Variants in SLC7A10 observed in about 807,000 individuals in gnomAD.
SLC7A10 encodes the protein asc-type amino acid transporter 1.
Under a neutral mutation model 52.7 loss-of-function variants are expected in SLC7A10, and 30 were observed. The observed-to-expected ratio is 0.57, with a 90% CI of 0.43 to 0.77. The LOEUF (loss-of-function observed/expected upper bound fraction) is 0.77. SLC7A10 is among the 30% of genes least tolerant of loss of function. The pLI is 0.00. For missense variants in SLC7A10, 581 were observed against 698.5 expected, an observed-to-expected ratio of 0.83 and a Z score of 1.90; for synonymous variants, 318 against 314.9, an observed-to-expected ratio of 1.01 and a Z score of -0.10.
chr19:33,211,353 A>T, intron 6 of SLC7A10, 25 bp from the exon 7 acceptor site: 1 of 1,613,650 alleles, frequency 6.2e-7, no homozygotes, highest in Admixed American at 1.7e-5. Flanking sequence ...TAGAGAGGCC[A>T]TGTGTAAGGC....
chr19:33,209,496 G>C lies in SLC7A10; in HGVS notation c.1264-11C>G, dbSNP rs773008138. ...GATGAGAAGGTTCACCTGGGGAAGG[G>C]GGAGCAGAAACACCGATGGTGCAGG... On this transcript the variant is annotated splice_polypyrimidine_tract_variant and intron_variant, in intron 9 of 10. Transcript: ENST00000253188. The C allele has an allele frequency of 1.2e-6, 2 of 1,613,540 alleles. No homozygotes were observed.
chr19:33,216,634 C>G (rs77942095), intron 1 of SLC7A10, among the ~76,000 whole-genome samples: 1,736 of 152,084 alleles, frequency 0.011, 39 homozygotes, highest in African/African-American at 0.04. Flanking sequence ...TTTCTCTTTT[C>G]CCCTTCCCTT....
At position 33,208,789 on chromosome 19, in the gene SLC7A10, C is replaced by A; in HGVS notation, c.*102G>T. Reference sequence around the variant, plus strand: ...GGCTTCTGAGAGTCGTATCTTTTTTCTTTTTTTTCCAGAAAAAAACAAAAC... The same window carrying A: ...GGCTTCTGAGAGTCGTATCTTTTTTATTTTTTTTCCAGAAAAAAACAAAAC... On this transcript the variant is annotated 3_prime_UTR_variant, in exon 11 of 11. Transcript: ENST00000253188. The surrounding 1 kb of genome is among the most constrained non-coding windows in gnomAD (Gnocchi z 4.7). The A allele has an allele frequency of 8.3e-5, 123 of 1,487,300 alleles. No homozygotes were observed. Among genetic ancestry groups the A allele is most frequent in the East Asian group, 2.1e-4 (9 of 42,830 alleles). 92.1% of individuals were successfully genotyped at this position (1,487,300 alleles called of 1,614,324 possible).
intron 10 of SLC7A10, 64 bp downstream of exon 10, chr19:33,209,244 G>A (rs1974482306): frequency 1.2e-6 from 2 of 1,604,528 alleles, no homozygotes; most frequent in Non-Finnish European, 1.7e-6. Context: ...GAGCCTCTAA[G>A]AGGGAGGTCT....
intron 1 of SLC7A10, among the ~76,000 whole-genome samples, chr19:33,219,567 T>C (rs11084715): frequency 0.79 from 120,894 of 152,240 alleles, 49,818 homozygotes; most frequent in Non-Finnish European, 0.92. Flanking sequence ...CTCAGGCCAG[T>C]GCTGCCCTTC....
intron 1 of SLC7A10, among the ~76,000 whole-genome samples, chr19:33,216,319 C>T (rs1042079437): frequency 6.2e-4 from 95 of 152,156 alleles, no homozygotes; most frequent in Non-Finnish European, 8.5e-4. Flanking sequence ...ACCACCTGAG[C>T]GACGGCAGAC....
chr19:33,219,645 C>T (rs1048678554), intron 1 of SLC7A10, among the ~76,000 whole-genome samples: 1 of 152,252 alleles, frequency 6.6e-6, no homozygotes, highest in Non-Finnish European at 1.5e-5. Flanking sequence ...GCTAGTCCAA[C>T]CGTGACTTCA....
intron 10 of SLC7A10, 60 bp downstream of exon 10, chr19:33,209,248 G>A: frequency 6.2e-7 from 1 of 1,606,110 alleles, no homozygotes; most frequent in Non-Finnish European, 8.5e-7. Flanking sequence ...CTCTAAGAGG[G>A]AGGTCTGGTC....
At position 33,219,035 on chromosome 19, in the gene SLC7A10, C is replaced by T. The variant is rs1431238679; in HGVS notation, c.152-3062G>A. Among the ~76,000 whole-genome samples the T allele has an allele frequency of 7.2e-5, 11 of 151,976 alleles. 1 individual carries two copies. In the South Asian group the frequency reaches 8.4e-4, roughly 12 times the overall value. On this transcript the variant is annotated intron_variant, in intron 1 of 10. Coordinates refer to ENST00000253188, the MANE Select transcript of SLC7A10 (RefSeq NM_019849.3). ...GGGCACGGGATGGGCCTGGAGATAC[C>T]GCTGAGCCCCTGTTGGGTGTCTGAC...
At chr19:33,219,472 G>C (rs901242723) in intron 1 of SLC7A10, among the ~76,000 whole-genome samples, 2 of 152,126 alleles carry the variant, frequency 1.3e-5, no homozygotes, top group African/African-American at 4.8e-5. Context: ...GTCTGATTTG[G>C]GGAGGGGGCA....
chr19:33,223,880 C>T (rs1974865090), intron 1 of SLC7A10, among the ~76,000 whole-genome samples: 1 of 151,974 alleles, frequency 6.6e-6, no homozygotes, highest in South Asian at 2.1e-4. Context: ...CAGAGTCTGT[C>T]CTGGAAAAGG....
chr19:33,223,543 C>T (rs1030432288), intron 1 of SLC7A10, among the ~76,000 whole-genome samples: 2 of 151,972 alleles, frequency 1.3e-5, no homozygotes, highest in Non-Finnish European at 2.9e-5. Context: ...GACCCCAGCT[C>T]AGTCCTCACC....
chr19:33,215,619 T>G lies in SLC7A10; in HGVS notation c.356+150A>C. The G allele has an allele frequency of 1.7e-4, 34 of 204,278 alleles. 1 individual carries two copies. The highest frequency in any genetic ancestry group is 6.2e-4 in the East Asian group (4 of 6,442). The allele number at this position is 204,278 out of a possible 1,614,324, so 12.7% of individuals were successfully genotyped here. A position where few individuals can be genotyped will look rare whatever the true frequency, so the allele number is the denominator to read the frequency against. ...TTCTCTCCATCCAGCCCCCACACCT[T>G]CTCTCCATCCACCCCCCACACCTTC... is the stretch of plus-strand genomic sequence containing the variant. On this transcript the variant is annotated intron_variant, in intron 2 of 10. Transcript: ENST00000253188.
chr19:33,214,617 A>G (rs903210818), intron 2 of SLC7A10, among the ~76,000 whole-genome samples: 2 of 152,194 alleles, frequency 1.3e-5, no homozygotes, highest in Non-Finnish European at 2.9e-5. Flanking sequence ...CTGGGCCACC[A>G]CACCCTCTGT....
intron 1 of SLC7A10, among the ~76,000 whole-genome samples, chr19:33,223,668 G>C (rs1385047718): frequency 6.6e-6 from 1 of 152,124 alleles, no homozygotes; most frequent in African/African-American, 2.4e-5. Flanking sequence ...GCCAGGCCAA[G>C]ATCAAGGCTC....
chr19:33,222,460 AAAAT>A (rs1346854006), intron 1 of SLC7A10, among the ~76,000 whole-genome samples: 26 of 92,928 alleles, frequency 2.8e-4, no homozygotes, highest in Admixed American at 8.5e-4. Flanking sequence ...AAAATAAAAT[AAAAT>A]AAATAAAATA....
chr19:33,223,963 A>ACCACCACCACCG (rs1974869860), intron 1 of SLC7A10, among the ~76,000 whole-genome samples: 1 of 148,768 alleles, frequency 6.7e-6, no homozygotes, highest in African/African-American at 2.5e-5. Flanking sequence ...CACCACCACC[A>ACCACCACCACCG]CCACCACCAC....
At chr19:33,219,216 T>A (rs995544123) in intron 1 of SLC7A10, among the ~76,000 whole-genome samples, 2 of 151,622 alleles carry the variant, frequency 1.3e-5, no homozygotes. Context: ...CTTCCCAGAG[T>A]CTCCACCACC....
rs1417981308 is a variant in SLC7A10 at position 33,211,462 on chromosome 19, G to A, written c.864C>T (p.Phe288=). 1 of 1,614,040 alleles carries A rather than the reference G, an allele frequency of 6.2e-7. No homozygotes were observed. The highest frequency in any genetic ancestry group is 8.5e-7 in the Non-Finnish European group (1 of 1,180,040). ...GCAGCTCCTGGGGGGACATGGCCGT[G>A]AAGTAGGCAATGTTGGTGAACGTGT... The part of the protein sequence containing the change: ...FVYTFTNIAY[F]TAMSPQELLS... Residue 288 remains phenylalanine (F), a synonymous_variant, in exon 6 of 11, where the codon TTC becomes TTT. Coordinates refer to ENST00000253188, the MANE Select transcript of SLC7A10 (RefSeq NM_019849.3).
Sources: gnomAD v4.1 joint callset for allele counts (sites outside exome capture counted in the v4.1 genomes callset) on GRCh38, gnomAD v4.1.1 for gene constraint, Gnocchi (gnomAD v3.1) non-coding constraint, MANE v1.5 for transcripts, NCBI Gene and HGNC (gene_info 2026-07-23, HGNC 2026-07-21) for gene names.